The following TENM3 variants were observed in gnomAD, a reference collection of about 807,000 sequenced individuals.
TENM3 encodes teneurin-3.
TENM3 carries 63 observed loss-of-function variants against 255.1 expected under a neutral mutation model. The ratio of observed to expected loss-of-function variants is 0.25; its 90% CI spans 0.20 to 0.30. TENM3 has a LOEUF of 0.30. Ranked by LOEUF, TENM3 falls within the 10% of genes least tolerant of loss-of-function variation. The pLI, the probability that TENM3 is intolerant of heterozygous loss-of-function variation, is 1.00. For missense variants in TENM3, 2,929 were observed against 3,461.1 expected (o/e 0.85, Z 3.86); for synonymous variants, 1,306 against 1,322.3 (o/e 0.99, Z 0.27).
At chr4:181,644,835 T>C in the TENM3 span, among the ~76,000 whole-genome samples, 1 of 152,022 alleles carries the variant, frequency 6.6e-6, no homozygotes, top group Non-Finnish European at 1.5e-5. Context: ...AGCCCTGGAA[T>C]GTAGCTAAAG....
At chr4:182,339,321 A>G (rs1764333475) in intron 2 of TENM3, among the ~76,000 whole-genome samples, 1 of 152,242 alleles carries the variant, frequency 6.6e-6, no homozygotes, top group African/African-American at 2.4e-5. Flanking sequence ...AAGGATTTAG[A>G]TGGTCATGTT....
the TENM3 span, among the ~76,000 whole-genome samples, chr4:182,025,685 G>C: frequency 6.6e-6 from 1 of 152,080 alleles, no homozygotes; most frequent in Non-Finnish European, 1.5e-5. Flanking sequence ...GCAAGTATTT[G>C]TTATTGCCTG....
intron 3 of TENM3, among the ~76,000 whole-genome samples, chr4:182,516,172 AATAGC>A (rs1285993004): frequency 6.6e-6 from 1 of 152,236 alleles, no homozygotes; most frequent in African/African-American, 2.4e-5. Context: ...AGTGAGTAGA[AATAGC>A]ACTGGACTGT....
At chr4:182,036,100 C>A in the TENM3 span, among the ~76,000 whole-genome samples, 1 of 152,190 alleles carries the variant, frequency 6.6e-6, no homozygotes. Context: ...ATGCCACTTC[C>A]TCAAGGAGCC....
At position 182,600,940 on chromosome 4, in the gene TENM3, T is replaced by C. The variant is rs763333416; in HGVS notation, c.528T>C (p.Asn176=). The C allele has an allele frequency of 2.6e-6, 2 of 770,472 alleles. No individual in the cohort carries two copies. Among genetic ancestry groups the C allele is most frequent in the South Asian group, 2.9e-5 (2 of 68,840 alleles). The allele number at this position is 770,472 out of a possible 1,614,324, so 47.7% of individuals were successfully genotyped here. Residue 176 remains asparagine, a synonymous_variant, in exon 4 of 28, where the codon AAT becomes AAC. Transcript: ENST00000511685. The part of the protein sequence containing the change: ...SDSENEQPAS[N]QGQSTLQPLP... The stretch of plus-strand genomic sequence containing the variant: ...TTTTTTCAGAGCAACCTGCAAGCAA[T>C]CAAGGCCAGTCTACCCTGCAGCCCT...
At chr4:182,681,513 T>C (rs1447416606) in intron 10 of TENM3, among the ~76,000 whole-genome samples, 6 of 152,170 alleles carry the variant, frequency 3.9e-5, no homozygotes, top group East Asian at 1.9e-4. Context: ...GCAATACTTA[T>C]TACTCTGTGA....
chr4:181,776,739 C>T, the TENM3 span, among the ~76,000 whole-genome samples: 7 of 152,030 alleles, frequency 4.6e-5, no homozygotes, highest in Non-Finnish European at 1.5e-5. Flanking sequence ...AATGTCTATT[C>T]AAGTCCCTTG....
the TENM3 span, among the ~76,000 whole-genome samples, chr4:181,569,139 C>G: frequency 6.6e-6 from 1 of 152,174 alleles, no homozygotes; most frequent in African/African-American, 2.4e-5. Flanking sequence ...TCAAGACCAG[C>G]CTGGACCACA....
Position 182,800,811 on chromosome 4 carries a change from C to CTGTT in TENM3, c.*462_*465dup, listed in dbSNP as rs1286144617. ...CATTTTACAATGTGGGGCAAAGTTA[C>CTGTT]TGTTTCTAGACAACCCAACTGCTTT... is the stretch of plus-strand genomic sequence containing the variant. On this transcript the variant is annotated 3_prime_UTR_variant, in exon 28 of 28. Transcript: ENST00000511685. 6.5e-6 allele frequency: 1 copy of CTGTT among 153,958 alleles called. No individual in the cohort carries two copies. Among genetic ancestry groups the CTGTT allele is most frequent in the African/African-American group, 2.4e-5 (1 of 41,474 alleles). The allele number at this position is 153,958 out of a possible 1,614,324, so 9.5% of individuals were successfully genotyped here.
the TENM3 span, among the ~76,000 whole-genome samples, chr4:181,618,877 G>T: frequency 6.6e-6 from 1 of 152,174 alleles, no homozygotes. Context: ...CAACAAAGTG[G>T]GCACACTGGA....
intron 12 of TENM3, chr4:182,707,974 G>C (rs956794956): frequency 6.6e-6 from 1 of 150,384 alleles, no homozygotes; most frequent in African/African-American, 2.5e-5. Flanking sequence ...TTTTTCTACT[G>C]GGGGGAAAAA....
the TENM3 span, among the ~76,000 whole-genome samples, chr4:182,118,025 C>A: frequency 1.3e-5 from 2 of 152,078 alleles, no homozygotes; most frequent in Non-Finnish European, 2.9e-5. Flanking sequence ...TATGATGGTG[C>A]ATTTTTATTT....
At chr4:182,284,308 TC>T (rs1216639108) in intron 1 of TENM3, among the ~76,000 whole-genome samples, 1 of 152,170 alleles carries the variant, frequency 6.6e-6, no homozygotes, top group Non-Finnish European at 1.5e-5. Context: ...TGCAAGATTT[TC>T]CAGATGACCC....
At chr4:181,695,657 C>T in the TENM3 span, among the ~76,000 whole-genome samples, 51 of 152,234 alleles carry the variant, frequency 3.4e-4, 2 homozygotes, top group East Asian at 7.3e-3. Flanking sequence ...ATATCTTCTC[C>T]TAGGGCAGAG....
At chr4:181,990,687 A>G in the TENM3 span, among the ~76,000 whole-genome samples, 17 of 152,152 alleles carry the variant, frequency 1.1e-4, no homozygotes, top group Non-Finnish European at 2.4e-4. Context: ...GGTTGTATCA[A>G]TGGATGGCTG....
chr4:182,699,770 G>A (rs1757704129), intron 12 of TENM3, among the ~76,000 whole-genome samples: 1 of 152,018 alleles, frequency 6.6e-6, no homozygotes, highest in South Asian at 2.1e-4. Context: ...TTGACATTTT[G>A]TTCCTTTACT....
the TENM3 span, among the ~76,000 whole-genome samples, chr4:182,022,726 G>A: frequency 6.6e-6 from 1 of 151,914 alleles, no homozygotes; most frequent in Non-Finnish European, 1.5e-5. Context: ...CTCACAACGC[G>A]TTCCAGAGAG....
At chr4:182,288,978 A>G (rs13106407) in intron 1 of TENM3, among the ~76,000 whole-genome samples, 1 of 152,086 alleles carries the variant, frequency 6.6e-6, no homozygotes, top group Non-Finnish European at 1.5e-5. Flanking sequence ...TAATCCCAGC[A>G]CTTTGGGAGG....
intron 1 of TENM3, among the ~76,000 whole-genome samples, chr4:182,259,502 A>G (rs900625311): frequency 5.3e-5 from 8 of 152,028 alleles, no homozygotes; most frequent in Non-Finnish European, 1.0e-4. Flanking sequence ...TTGTAGAGAC[A>G]GGGTCTGCCT....
Sources: allele counts gnomAD v4.1 joint callset (sites outside exome capture counted in the v4.1 genomes callset), GRCh38; gene constraint gnomAD v4.1.1; transcripts MANE v1.5; gene names NCBI Gene and HGNC (gene_info 2026-07-23, HGNC 2026-07-21).